FAM83C: variants seen among roughly 807,000 people sequenced by gnomAD.
FAM83C encodes scaffolding CK1 anchoring protein C, also known as protein FAM83C.
In FAM83C, 23 loss-of-function variants were observed where a neutral mutation model predicts 27.1. The observed-to-expected ratio is 0.85, with a 90% confidence interval of 0.61 to 1.20. The LOEUF is 1.20. Among genes scored for constraint, FAM83C ranks in the 50% most tolerant of loss-of-function variants. The pLI is 0.00. For missense variants in FAM83C, 984 were observed against 1,001.3 expected, an observed-to-expected ratio of 0.98 and a Z score of 0.23; for synonymous variants, 426 against 423.1, an observed-to-expected ratio of 1.01 and a Z score of -0.09.
At position 35,286,505 on chromosome 20, in the gene FAM83C, GCCAGTGCACCC is replaced by G. The variant is rs1171005055; in HGVS notation, c.*19_*29del. 1 of 1,565,220 alleles carries G rather than the reference GCCAGTGCACCC, an allele frequency of 6.4e-7. No homozygotes were observed. The highest frequency in any genetic ancestry group is 1.4e-5 in the African/African-American group (1 of 74,024). On this transcript the variant is annotated 3_prime_UTR_variant, in exon 4 of 4. Coordinates refer to ENST00000374408, the MANE Select transcript of FAM83C (RefSeq NM_178468.6). The stretch of plus-strand genomic sequence containing the variant: ...GTGGACAGAGGAGGGGCCTGCCCTT[GCCAGTGCACCC>G]CCGATGCCAGTCCTTTGGCTAGGAC...
intron 1 of FAM83C, among the ~76,000 whole-genome samples, chr20:35,290,295 CA>C (rs2060843279): frequency 6.6e-6 from 1 of 152,218 alleles, no homozygotes; most frequent in Admixed American, 6.5e-5. Context: ...CCTTTCTTCC[CA>C]TGGCATATAT....
In FAM83C at chr20:35,292,393, G is replaced by T; in HGVS notation, c.-89C>A. 1 of 1,419,316 alleles carries T rather than the reference G, an allele frequency of 7.0e-7. No homozygotes were observed. The highest frequency in any genetic ancestry group is 9.2e-7 in the Non-Finnish European group (1 of 1,089,194). 87.9% of individuals were successfully genotyped at this position (1,419,316 alleles called of 1,614,324 possible). ...GCAGGAAGAGGAGACCAGCAGAACC[G>T]CCTTCTGCCCGCCCGCTCGCTGTGT... is the stretch of plus-strand genomic sequence containing the variant. On this transcript the variant is annotated 5_prime_UTR_variant, in exon 1 of 4. Coordinates refer to ENST00000374408, the MANE Select transcript of FAM83C (RefSeq NM_178468.6).
At chr20:35,288,432 GC>G in intron 3 of FAM83C, 28 bp downstream of exon 3, 1 of 1,612,234 alleles carries the variant, frequency 6.2e-7, no homozygotes, top group Non-Finnish European at 8.5e-7. Context: ...GCAGCCCCAG[GC>G]CCCCCTTGCC....
chr20:35,286,649 G>GT lies in FAM83C; in HGVS notation c.2129dup (p.Asn710LysfsTer3). 1 of 1,613,776 alleles carries GT rather than the reference G, an allele frequency of 6.2e-7. No individual in the cohort carries two copies. Among genetic ancestry groups the GT allele is most frequent in the Non-Finnish European group, 8.5e-7 (1 of 1,179,950 alleles). ...GTTTCTCATCCCTGACCAGGTCACT[G>GT]TTACCACCATTGAGATGGCCACCCT... On this transcript the variant is annotated frameshift_variant, in exon 4 of 4. Coordinates refer to ENST00000374408, the MANE Select transcript of FAM83C (RefSeq NM_178468.6). LOFTEE classifies it high-confidence loss of function.
At chr20:35,289,228 C>T (rs1337800677) in intron 1 of FAM83C, among the ~76,000 whole-genome samples, 2 of 152,152 alleles carry the variant, frequency 1.3e-5, no homozygotes, top group East Asian at 1.9e-4. Flanking sequence ...AGTGCAGTGG[C>T]GTGATCATAG....
chr20:35,291,749 T>A (rs2060847346), intron 1 of FAM83C, 43 bp downstream of exon 1: 5 of 1,609,950 alleles, frequency 3.1e-6, no homozygotes, highest in African/African-American at 1.3e-5. Context: ...GGACCTCAGT[T>A]TCCTCCTCTG....
Position 35,288,441 on chromosome 20 carries a change from G to T in FAM83C, c.806+20C>A. The T allele has an allele frequency of 6.2e-7, 1 of 1,613,320 alleles. No individual in the cohort carries two copies. On this transcript the variant is annotated intron_variant, in intron 3 of 3. Transcript: ENST00000374408. ...AGTGATGCAGCCCCAGGCCCCCCTT[G>T]CCTCCTCGTGCCTGCTCACCTGTAA...
intron 1 of FAM83C, among the ~76,000 whole-genome samples, chr20:35,290,183 C>T (rs972213394): frequency 6.6e-6 from 1 of 152,234 alleles, no homozygotes; most frequent in Non-Finnish European, 1.5e-5. Flanking sequence ...AAGTTTTCTG[C>T]TCAGTTGAGG....
At chr20:35,290,608 T>A (rs1308193550) in intron 1 of FAM83C, among the ~76,000 whole-genome samples, 1 of 151,836 alleles carries the variant, frequency 6.6e-6, no homozygotes, top group Non-Finnish European at 1.5e-5. Flanking sequence ...TCACTAGGAG[T>A]CATGACAGCC....
rs763177685 is a variant in FAM83C, at chr20:35,288,791, C to G, written c.681G>C (p.Pro227=). Residue 227 remains proline, a splice_region_variant and synonymous_variant, in exon 2 of 4, where the codon CCG becomes CCC. Transcript: ENST00000374408. ...GTTACTGCCCCTGGTCCTCACTGAC[C>G]GGCAGGTGCTCCCCATTGAGGTCCA... ...YKMDLNGEHL[P]NMRVRSTCGD... is the part of the protein sequence containing the mutation. 1.9e-5 allele frequency: 30 copies of G among 1,607,022 alleles called. No homozygotes were observed. The South Asian group carries it at 2.9e-4, about 15-fold the overall frequency.
chr20:35,288,428 C>G, intron 3 of FAM83C, 33 bp downstream of exon 3: 2 of 1,611,680 alleles, frequency 1.2e-6, no homozygotes, highest in Non-Finnish European at 1.7e-6. Flanking sequence ...TGATGCAGCC[C>G]CAGGCCCCCC....
intron 2 of FAM83C, 98 bp downstream of exon 2, chr20:35,288,693 C>T: frequency 2.0e-6 from 3 of 1,533,748 alleles, no homozygotes; most frequent in Middle Eastern, 1.8e-4. Flanking sequence ...ACCCCCCACT[C>T]CCAGTGCCCC....
At position 35,287,465 on chromosome 20, in the gene FAM83C, G is replaced by T; in HGVS notation, c.1314C>A (p.Thr438=). 1 of 1,614,212 alleles carries T rather than the reference G, an allele frequency of 6.2e-7. No individual in the cohort carries two copies. Among genetic ancestry groups the T allele is most frequent in the Non-Finnish European group, 8.5e-7 (1 of 1,180,024 alleles). ...GAAGCAGAGGTGACCCCACTGCCAA[G>T]GTTAAGGGGCTGGTACTATTATGGT... The part of the protein sequence containing the change: ...ALNHNSTSPL[T]LAVGSPLLPR... The change falls in exon 4 of 4, where the codon ACC becomes ACA. Residue 438 remains threonine, a synonymous_variant. Coordinates refer to ENST00000374408, the MANE Select transcript of FAM83C (RefSeq NM_178468.6).
chr20:35,289,048 A>T, intron 1 of FAM83C, 90 bp from the exon 2 acceptor site: 4 of 1,492,794 alleles, frequency 2.7e-6, no homozygotes, highest in Non-Finnish European at 3.6e-6. Flanking sequence ...GGGCGCCGGG[A>T]AAAGAGTACT....
Position 35,287,636 on chromosome 20 carries a change from C to T in FAM83C, c.1143G>A (p.Leu381=), listed in dbSNP as rs142547501. ...CSDTGVVSSS[L]GPARREASGQ... ...CACTGGCCTCACGGCGGGCAGGACC[C>T]AGGGACGAGGACACCACACCCGTAT... The change falls in exon 4 of 4, where the codon CTG becomes CTA. Residue 381 remains leucine, a synonymous_variant. Transcript: ENST00000374408. The T allele has an allele frequency of 8.1e-6, 13 of 1,613,984 alleles. No individual in the cohort carries two copies. Among genetic ancestry groups the T allele is most frequent in the Non-Finnish European group, 1.1e-5 (13 of 1,179,920 alleles).
At chr20:35,291,679 G>A in intron 1 of FAM83C, 113 bp downstream of exon 1, 1 of 1,391,228 alleles carries the variant, frequency 7.2e-7, no homozygotes, top group Non-Finnish European at 9.9e-7. Flanking sequence ...TGCCAGAGGT[G>A]CTGGTCCTCA....
In FAM83C at chr20:35,287,327, T is replaced by C. The variant is rs2060831116; in HGVS notation, c.1452A>G (p.Val484=). 3 of 1,613,728 alleles carry C rather than the reference T, an allele frequency of 1.9e-6. No individual in the cohort carries two copies. The highest frequency in any genetic ancestry group is 2.5e-6 in the Non-Finnish European group (3 of 1,180,022). Residue 484 remains valine (V), a synonymous_variant, in exon 4 of 4, where the codon GTA becomes GTG. Transcript: ENST00000374408. The part of the protein sequence containing the change: ...QEPSPLRGRW[V]PGTTLETVEE... ...CCACTGTCTCCAGGGTTGTGCCAGGTACCCATCGACCCCGCAGGGGGCTGG... is the reference window on the plus strand; with the variant it reads ...CCACTGTCTCCAGGGTTGTGCCAGGCACCCATCGACCCCGCAGGGGGCTGG...
At position 35,286,766 on chromosome 20, in the gene FAM83C, T is replaced by C. The variant is rs1335758843; in HGVS notation, c.2013A>G (p.Lys671=). ...GCTTGCTGTGGCCCAGGGTTAGCCGTTTCTCATCCCCAGACCCAGCTCCAG... is the reference window on the plus strand; with the variant it reads ...GCTTGCTGTGGCCCAGGGTTAGCCGCTTCTCATCCCCAGACCCAGCTCCAG... ...RTAGAGSGDE[K]RLTLGHSKLD... is the part of the protein sequence containing the mutation. Residue 671 remains lysine (K), a synonymous_variant, in exon 4 of 4, where the codon AAA becomes AAG. Transcript: ENST00000374408. 2 of 1,613,892 alleles carry C rather than the reference T, an allele frequency of 1.2e-6. No individual in the cohort carries two copies. Among genetic ancestry groups the C allele is most frequent in the East Asian group, 4.5e-5 (2 of 44,874 alleles).
chr20:35,288,445 CCTCGTGCCTG>C lies in FAM83C; in HGVS notation c.806+6_806+15del. 1 of 1,613,614 alleles carries C rather than the reference CCTCGTGCCTG, an allele frequency of 6.2e-7. No individual in the cohort carries two copies. On this transcript the variant is annotated splice_donor_region_variant and intron_variant, in intron 3 of 3. Coordinates refer to ENST00000374408, the MANE Select transcript of FAM83C (RefSeq NM_178468.6). ...ATGCAGCCCCAGGCCCCCCTTGCCT[CCTCGTGCCTG>C]CTCACCTGTAACTGCCCGCCACCAC...
Sources: gnomAD v4.1 joint callset for allele counts (sites outside exome capture counted in the v4.1 genomes callset) on GRCh38, gnomAD v4.1.1 for gene constraint, MANE v1.5 for transcripts, NCBI Gene and HGNC (gene_info 2026-07-23, HGNC 2026-07-21) for gene names.